Variants in FAM13B observed in about 807,000 individuals in gnomAD.
FAM13B encodes the protein family with sequence similarity 13 member B, also known as protein FAM13B.
A neutral mutation model predicts 117.3 loss-of-function variants in FAM13B; 60 were observed. That is an observed-to-expected ratio of 0.51 (90% confidence interval 0.42 to 0.63). The LOEUF (loss-of-function observed/expected upper bound fraction) is 0.63, where lower values mean the gene tolerates loss of function less well. Among genes scored for constraint, FAM13B ranks in the 30% least tolerant of loss-of-function variants. FAM13B has a pLI of 0.00. For missense variants in FAM13B, 972 were observed against 1,091.9 expected (o/e 0.89, Z 1.55); for synonymous variants, 332 against 356.1 (o/e 0.93, Z 0.76).
chr5:138,018,917 AAAAC>A, intron 3 of FAM13B, 34 bp downstream of exon 3: 1 of 1,529,178 alleles, frequency 6.5e-7, no homozygotes, highest in Non-Finnish European at 8.9e-7. Flanking sequence ...TGTGTTTATT[AAAAC>A]AAAAGCTAGC....
At chr5:137,953,523 T>G in intron 15 of FAM13B, 58 bp from the exon 16 acceptor site, 1 of 1,564,654 alleles carries the variant, frequency 6.4e-7, no homozygotes, top group Non-Finnish European at 8.7e-7. Flanking sequence ...ACTGTATCTC[T>G]TATTGCCCTG....
chr5:137,956,266 C>T (rs1300764518), intron 14 of FAM13B, among the ~76,000 whole-genome samples: 2 of 152,132 alleles, frequency 1.3e-5, no homozygotes, highest in Non-Finnish European at 2.9e-5. Flanking sequence ...TGTACCTGTG[C>T]CCCAGCAAAT....
At chr5:137,970,471 G>A (rs1219359172) in intron 10 of FAM13B, among the ~76,000 whole-genome samples, 2 of 151,970 alleles carry the variant, frequency 1.3e-5, no homozygotes, top group Non-Finnish European at 2.9e-5. Flanking sequence ...CGCTAAACAT[G>A]GAAAGGAACA....
chr5:137,976,054 G>GA (rs1403212842), intron 10 of FAM13B, among the ~76,000 whole-genome samples: 5 of 143,534 alleles, frequency 3.5e-5, no homozygotes, highest in Non-Finnish European at 6.0e-5. Context: ...CCGCCTCCCG[G>GA]GTTCATGCCA....
intron 1 of FAM13B, among the ~76,000 whole-genome samples, chr5:138,041,983 C>T (rs1448795386): frequency 6.6e-6 from 1 of 151,896 alleles, no homozygotes; most frequent in African/African-American, 2.4e-5. Context: ...ATTTTTTGAG[C>T]CCGGAAGTTC....
rs537731639 is a variant in FAM13B, at chr5:137,962,345, A to G, written c.1244+60T>C. On this transcript the variant is annotated intron_variant, in intron 11 of 23. Coordinates refer to ENST00000689681, the MANE Select transcript of FAM13B (RefSeq NM_001385994.1). ...CATTCATCTAAAAAAATCACCTCAA[A>G]AATCTGTGAAGAGCTCCAATTCTCA... 2.8e-5 allele frequency: 42 copies of G among 1,483,304 alleles called. 1 individual carries two copies. The South Asian group carries it at 4.4e-4, about 15-fold the overall frequency. 91.9% of individuals were successfully genotyped at this position (1,483,304 alleles called of 1,614,324 possible). A position where few individuals can be genotyped will look rare whatever the true frequency, so the allele number is the denominator to read the frequency against.
intron 10 of FAM13B, among the ~76,000 whole-genome samples, chr5:137,968,438 C>G (rs79978739): frequency 6.9e-5 from 4 of 57,952 alleles, no homozygotes; most frequent in African/African-American, 2.6e-4. Context: ...GACTCTGTCT[C>G]AAAAAAAAAA....
At chr5:137,975,140 C>T (rs1773541472) in intron 10 of FAM13B, among the ~76,000 whole-genome samples, 1 of 152,150 alleles carries the variant, frequency 6.6e-6, no homozygotes, top group African/African-American at 2.4e-5. Flanking sequence ...TAGCCTTACA[C>T]TTTCCTAGAC....
intron 7 of FAM13B, among the ~76,000 whole-genome samples, chr5:138,002,566 T>C (rs1397532035): frequency 6.6e-6 from 1 of 152,022 alleles, no homozygotes; most frequent in Non-Finnish European, 1.5e-5. Context: ...ATATCCTTGT[T>C]TAGCAGAGAG....
At chr5:138,047,911 C>A (rs919484827) in intron 1 of FAM13B, among the ~76,000 whole-genome samples, 1 of 152,138 alleles carries the variant, frequency 6.6e-6, no homozygotes, top group Non-Finnish European at 1.5e-5. Flanking sequence ...ACCTACAGAA[C>A]TATAAAATAA....
intron 20 of FAM13B, 132 bp from the exon 21 acceptor site, chr5:137,943,348 G>A: frequency 1.5e-6 from 1 of 669,032 alleles, no homozygotes; most frequent in Non-Finnish European, 2.5e-6. Context: ...AATCTTTTTA[G>A]GAATTGCTTA....
upstream of FAM13B, among the ~76,000 whole-genome samples, chr5:138,035,456 G>A (rs1483204584): frequency 6.6e-6 from 1 of 152,186 alleles, no homozygotes; most frequent in African/African-American, 2.4e-5. Flanking sequence ...TATAAAAACA[G>A]TATGTTCAAC....
At chr5:137,974,361 A>C (rs979661123) in intron 10 of FAM13B, among the ~76,000 whole-genome samples, 1 of 150,390 alleles carries the variant, frequency 6.6e-6, no homozygotes, top group African/African-American at 2.4e-5. Context: ...TCGCAAGAAC[A>C]AAAAACCAAA....
intron 4 of FAM13B, among the ~76,000 whole-genome samples, chr5:138,015,113 T>A (rs1177027082): frequency 6.6e-6 from 1 of 152,228 alleles, no homozygotes; most frequent in Non-Finnish European, 1.5e-5. Flanking sequence ...ACGGTTGTCA[T>A]GACTTTGGGG....
rs1301950222 is a variant in FAM13B, at chr5:138,021,154, T to C, written c.-159A>G. The C allele has an allele frequency of 8.1e-7, 1 of 1,231,702 alleles. No homozygotes were observed. Among genetic ancestry groups the C allele is most frequent in the Non-Finnish European group, 1.0e-6 (1 of 987,938 alleles). 76.3% of individuals were successfully genotyped at this position (1,231,702 alleles called of 1,614,324 possible). On this transcript the variant is annotated 5_prime_UTR_variant, in exon 2 of 24. Coordinates refer to ENST00000689681, the MANE Select transcript of FAM13B (RefSeq NM_001385994.1). ...TGGCAGAAGATCAGCCTGTAGTTCC[T>C]CATTGAAGAAATGCAGAACTCGATC...
chr5:138,051,775 C>T (rs974162840), intron 1 of FAM13B: 1 of 152,002 alleles, frequency 6.6e-6, no homozygotes, highest in African/African-American at 2.4e-5. Flanking sequence ...AAATTCAAAC[C>T]CTGGTCTATT....
intron 7 of FAM13B, among the ~76,000 whole-genome samples, chr5:137,998,909 G>A (rs914645482): frequency 1.3e-5 from 2 of 152,184 alleles, no homozygotes; most frequent in African/African-American, 4.8e-5. Context: ...TCTGTGCTCT[G>A]GTAGAGATGG....
At chr5:137,943,282 C>T in intron 20 of FAM13B, 66 bp from the exon 21 acceptor site, 1 of 1,238,792 alleles carries the variant, frequency 8.1e-7, no homozygotes, top group Non-Finnish European at 1.2e-6. Context: ...TGAAGCTTCC[C>T]TTCATTATGT....
chr5:137,950,084 A>G (rs1764535885), intron 17 of FAM13B, among the ~76,000 whole-genome samples: 1 of 152,244 alleles, frequency 6.6e-6, no homozygotes, highest in African/African-American at 2.4e-5. Flanking sequence ...AAAACAAAAC[A>G]GACATGGTTC....
Sources: gnomAD v4.1 joint callset for allele counts (sites outside exome capture counted in the v4.1 genomes callset) on GRCh38, gnomAD v4.1.1 for gene constraint, MANE v1.5 for transcripts, NCBI Gene and HGNC (gene_info 2026-07-23, HGNC 2026-07-21) for gene names.